GSG1L: variants seen among roughly 807,000 people sequenced by gnomAD.
The protein encoded by GSG1L is GSG1 like.
Under a neutral mutation model 42.1 loss-of-function variants are expected in GSG1L, and 24 were observed. The ratio of observed to expected loss-of-function variants is 0.57; its 90% confidence interval spans 0.41 to 0.80. GSG1L has a LOEUF of 0.80. Ranked by LOEUF, GSG1L falls within the 30% of genes least tolerant of loss-of-function variation. The pLI is 0.00. For missense variants in GSG1L, 445 were observed against 472.2 expected, an observed-to-expected ratio of 0.94 and a Z score of 0.53; for synonymous variants, 215 against 203.5, an observed-to-expected ratio of 1.06 and a Z score of -0.48.
At chr16:28,051,401 A>G (rs2086220637) in intron 1 of GSG1L, among the ~76,000 whole-genome samples, 1 of 152,188 alleles carries the variant, frequency 6.6e-6, no homozygotes. Flanking sequence ...TTCATAAAAC[A>G]AAGTGTTGAT....
intron 2 of GSG1L, among the ~76,000 whole-genome samples, chr16:27,948,742 T>C (rs1374418777): frequency 6.6e-6 from 1 of 151,470 alleles, no homozygotes; most frequent in African/African-American, 2.4e-5. Context: ...CCCGAGTAGC[T>C]GGGACTACAG....
chr16:28,030,485 G>T (rs1013376586), intron 1 of GSG1L, among the ~76,000 whole-genome samples: 1 of 152,192 alleles, frequency 6.6e-6, no homozygotes, highest in African/African-American at 2.4e-5. Flanking sequence ...AAAAAAAGAG[G>T]AGACAGACAG....
At chr16:27,813,698 C>T (rs1018030552) in intron 5 of GSG1L, among the ~76,000 whole-genome samples, 10 of 152,218 alleles carry the variant, frequency 6.6e-5, no homozygotes, top group Non-Finnish European at 1.2e-4. Context: ...GGGTCTTGGC[C>T]GCCCTCTGGG....
chr16:27,888,641 C>CGA (rs2084084792), intron 2 of GSG1L, among the ~76,000 whole-genome samples: 1 of 149,540 alleles, frequency 6.7e-6, no homozygotes, highest in South Asian at 2.1e-4. Flanking sequence ...TCTTTAAGAC[C>CGA]GACTCTCACT....
chr16:28,016,050 G>A (rs2085776192), intron 1 of GSG1L, among the ~76,000 whole-genome samples: 1 of 152,202 alleles, frequency 6.6e-6, no homozygotes, highest in Non-Finnish European at 1.5e-5. Flanking sequence ...GAGTGTAGTG[G>A]CACAGCCTCG....
intron 3 of GSG1L, among the ~76,000 whole-genome samples, 171 bp from the exon 4 acceptor site, chr16:27,845,232 G>A (rs1212040180): frequency 6.6e-6 from 1 of 152,150 alleles, no homozygotes; most frequent in African/African-American, 2.4e-5. Flanking sequence ...GCCAGAGAGG[G>A]TAGTTCTCTT....
intron 2 of GSG1L, among the ~76,000 whole-genome samples, chr16:27,940,148 G>A (rs1018696479): frequency 6.6e-6 from 1 of 151,800 alleles, no homozygotes; most frequent in African/African-American, 2.4e-5. Flanking sequence ...CAAAACCACA[G>A]TGAGATACCA....
intron 2 of GSG1L, among the ~76,000 whole-genome samples, chr16:27,939,413 G>A (rs1033507459): frequency 1.3e-5 from 2 of 151,770 alleles, no homozygotes; most frequent in Admixed American, 1.3e-4. Flanking sequence ...CAGGCATGAG[G>A]CACCAGGCCA....
chr16:27,857,430 A>AT (rs1208346553), intron 3 of GSG1L, among the ~76,000 whole-genome samples: 2 of 150,048 alleles, frequency 1.3e-5, no homozygotes, highest in African/African-American at 2.4e-5. Flanking sequence ...TACATCTCAA[A>AT]AAAAAAAAAA....
At chr16:27,888,519 CTTT>C (rs2084077478) in intron 2 of GSG1L, among the ~76,000 whole-genome samples, 2 of 19,004 alleles carry the variant, frequency 1.1e-4, no homozygotes, top group African/African-American at 1.5e-4. Context: ...TTCTTTCTTT[CTTT>C]CTTTCTTTCT....
At chr16:27,896,282 A>T (rs552102734) in intron 2 of GSG1L, among the ~76,000 whole-genome samples, 2 of 152,290 alleles carry the variant, frequency 1.3e-5, no homozygotes, top group South Asian at 4.1e-4. Context: ...CTGCACTAAG[A>T]CATTTGAATG....
chr16:27,911,266 GCTCTCTCTCTCT>G (rs71648556), intron 2 of GSG1L, among the ~76,000 whole-genome samples: 6,591 of 122,146 alleles, frequency 0.054, 199 homozygotes, highest in South Asian at 0.079. Flanking sequence ...CCTCTCTCTC[GCTCTCTCTCTCT>G]CTCTCTCTCT....
chr16:28,052,565 C>A (rs2086232144), intron 1 of GSG1L, among the ~76,000 whole-genome samples: 1 of 152,188 alleles, frequency 6.6e-6, no homozygotes, highest in Non-Finnish European at 1.5e-5. Context: ...AGGACTCATA[C>A]CCTTTCCTGC....
chr16:27,889,646 G>A (rs2084100660), intron 2 of GSG1L, among the ~76,000 whole-genome samples: 1 of 152,118 alleles, frequency 6.6e-6, no homozygotes, highest in African/African-American at 2.4e-5. Flanking sequence ...GTCCTGTCCT[G>A]TGGCTCTGGC....
chr16:28,016,821 T>C (rs1358622826), intron 1 of GSG1L, among the ~76,000 whole-genome samples: 5 of 152,190 alleles, frequency 3.3e-5, no homozygotes, highest in Non-Finnish European at 5.9e-5. Flanking sequence ...TCAGAGAGGT[T>C]AAATGATCTG....
chr16:27,828,296 C>A (rs546273700), intron 5 of GSG1L, among the ~76,000 whole-genome samples: 1 of 152,342 alleles, frequency 6.6e-6, no homozygotes, highest in South Asian at 2.1e-4. Flanking sequence ...TATCCATCTA[C>A]CCACCCACTG....
At chr16:28,010,872 GA>G (rs1555513965) in intron 1 of GSG1L, among the ~76,000 whole-genome samples, 2 of 152,154 alleles carry the variant, frequency 1.3e-5, no homozygotes, top group Non-Finnish European at 2.9e-5. Context: ...AACTGCCTCT[GA>G]CAGGAAGTTT....
chr16:27,817,311 A>G (rs1004332184), intron 5 of GSG1L, among the ~76,000 whole-genome samples: 3 of 151,924 alleles, frequency 2.0e-5, no homozygotes, highest in African/African-American at 7.3e-5. Context: ...ATCCCCCGCC[A>G]TGTTCTCCAC....
At chr16:27,801,735 C>T (rs1401999679) in intron 6 of GSG1L, among the ~76,000 whole-genome samples, 2 of 152,162 alleles carry the variant, frequency 1.3e-5, no homozygotes, top group Non-Finnish European at 2.9e-5. Context: ...CATCACCTAG[C>T]GGTCCAGGGT....
Sources: gnomAD v4.1 joint callset for allele counts (sites outside exome capture counted in the v4.1 genomes callset) on GRCh38, gnomAD v4.1.1 for gene constraint, MANE v1.5 for transcripts, NCBI Gene and HGNC (gene_info 2026-07-23, HGNC 2026-07-21) for gene names.